CSMD1: variants seen among roughly 807,000 people sequenced by gnomAD.
The protein encoded by CSMD1 is CUB and Sushi multiple domains 1.
A neutral mutation model predicts 417.5 loss-of-function variants in CSMD1; 213 were observed. The observed-to-expected ratio is 0.51, with a 90% confidence interval of 0.46 to 0.57. CSMD1 has a LOEUF of 0.57. Ranked by LOEUF, CSMD1 falls within the 20% of genes least tolerant of loss-of-function variation. The pLI, the probability that CSMD1 is intolerant of heterozygous loss-of-function variation, is 0.00. For synonymous variants in CSMD1, 2,862 were observed against 1,736.8 expected (o/e 1.65, Z -16.11); for missense variants, 6,923 against 4,529.7 (o/e 1.53, Z -15.17).
chr8:4,831,802 C>A (rs1054453774), intron 1 of CSMD1, among the ~76,000 whole-genome samples: 1 of 152,132 alleles, frequency 6.6e-6, no homozygotes, highest in Non-Finnish European at 1.5e-5. Context: ...CTTCAGGGAC[C>A]AGCATCTCCC....
chr8:3,818,389 G>T (rs1326933761), intron 5 of CSMD1, among the ~76,000 whole-genome samples: 1 of 152,172 alleles, frequency 6.6e-6, no homozygotes, highest in Admixed American at 6.5e-5. Context: ...CTCTTGGAGG[G>T]AAATCTGAGT....
At chr8:4,751,760 C>A (rs1176085731) in intron 1 of CSMD1, among the ~76,000 whole-genome samples, 1 of 152,154 alleles carries the variant, frequency 6.6e-6, no homozygotes, top group African/African-American at 2.4e-5. Flanking sequence ...TGGTGTCTGA[C>A]ATTGAGGACC....
intron 5 of CSMD1, among the ~76,000 whole-genome samples, chr8:3,821,764 AGAGT>A (rs1801749731): frequency 6.6e-6 from 1 of 152,204 alleles, no homozygotes; most frequent in Non-Finnish European, 1.5e-5. Flanking sequence ...CCTGGGTGAC[AGAGT>A]GAGACTCTGT....
intron 1 of CSMD1, among the ~76,000 whole-genome samples, chr8:4,797,372 T>A (rs879488094): frequency 2.6e-5 from 4 of 152,112 alleles, no homozygotes; most frequent in Admixed American, 6.5e-5. Flanking sequence ...TGTGAAAGAG[T>A]GTTCCGCCTG....
At chr8:3,262,942 T>C (rs925032395) in intron 26 of CSMD1, among the ~76,000 whole-genome samples, 1 of 152,176 alleles carries the variant, frequency 6.6e-6, no homozygotes, top group African/African-American at 2.4e-5. Flanking sequence ...TATGAAAAAG[T>C]TTGTTGTTAA....
At position 3,722,856 on chromosome 8, in the gene CSMD1, G is replaced by A. The variant is rs189626660; in HGVS notation, c.932-14365C>T. 5.1e-3 allele frequency among the ~76,000 whole-genome samples: 783 copies of A among 152,310 alleles called. 3 individuals are homozygous for A. Among genetic ancestry groups the A allele is most frequent in the Non-Finnish European group, 8.5e-3 (575 of 68,024 alleles). On this transcript the variant is annotated intron_variant, in intron 6 of 69. Transcript: ENST00000635120. ...ATGTTTGAGATTCCCCGATTTCAGG[G>A]ATGAACTAGCTGCTTTTTCATGGAA... is the stretch of plus-strand genomic sequence containing the variant.
chr8:3,708,388 C>G (rs1563294948), intron 7 of CSMD1, 26 bp downstream of exon 7: 1 of 1,602,090 alleles, frequency 6.2e-7, no homozygotes, highest in Non-Finnish European at 8.6e-7. Context: ...CGTATCAATC[C>G]TCAGATAGAA....
At chr8:4,031,780 G>A in intron 4 of CSMD1, 125 bp downstream of exon 4, 1 of 641,986 alleles carries the variant, frequency 1.6e-6, no homozygotes, top group Non-Finnish European at 2.5e-6. Context: ...AGCAGAATGA[G>A]CTGACATTGT....
In CSMD1 at chr8:4,407,544, G is replaced by A. The variant is rs1026379275; in HGVS notation, c.415+12409C>T. Among the ~76,000 whole-genome samples the A allele has an allele frequency of 2.0e-5, 3 of 152,202 alleles. No individual in the cohort carries two copies. In the South Asian group the frequency reaches 6.2e-4, roughly 32 times the overall value. ...TTTAAATTCAGAGTACAGATATCTT[G>A]TGCTAATTTCATATAGTAATGTATA... On this transcript the variant is annotated intron_variant, in intron 3 of 69. Coordinates refer to ENST00000635120, the MANE Select transcript of CSMD1 (RefSeq NM_033225.6).
intron 7 of CSMD1, among the ~76,000 whole-genome samples, chr8:3,670,872 T>G (rs373147067): frequency 6.6e-6 from 1 of 150,408 alleles, no homozygotes; most frequent in Non-Finnish European, 1.5e-5. Context: ...GGGATATATA[T>G]GTATATGGGA....
At chr8:4,895,129 T>C (rs1804391335) in intron 1 of CSMD1, among the ~76,000 whole-genome samples, 1 of 152,188 alleles carries the variant, frequency 6.6e-6, no homozygotes, top group South Asian at 2.1e-4. Flanking sequence ...CACTCAAAAA[T>C]ACATTTGATT....
intron 2 of CSMD1, among the ~76,000 whole-genome samples, chr8:4,574,397 A>C (rs1291206892): frequency 6.6e-6 from 1 of 152,014 alleles, no homozygotes; most frequent in Admixed American, 6.6e-5. Flanking sequence ...AGCCCCTTGC[A>C]CTTCCCCGGT....
chr8:4,713,915 A>C (rs1028987435), intron 1 of CSMD1, among the ~76,000 whole-genome samples: 1 of 152,060 alleles, frequency 6.6e-6, no homozygotes, highest in Admixed American at 6.6e-5. Context: ...GAGGCCGAGG[A>C]GGGTGGATCA....
intron 12 of CSMD1, among the ~76,000 whole-genome samples, chr8:3,455,219 T>C (rs1816027836): frequency 6.6e-6 from 1 of 152,184 alleles, no homozygotes; most frequent in African/African-American, 2.4e-5. Context: ...TCGTCTAATT[T>C]TTTTTCAAGG....
At chr8:3,542,541 G>C (rs1025198925) in intron 10 of CSMD1, among the ~76,000 whole-genome samples, 5 of 152,166 alleles carry the variant, frequency 3.3e-5, no homozygotes, top group Non-Finnish European at 7.3e-5. Context: ...CAGGGACTGG[G>C]AAGGAACACG....
intron 1 of CSMD1, among the ~76,000 whole-genome samples, chr8:4,975,453 T>C (rs910139696): frequency 2.0e-5 from 3 of 152,166 alleles, no homozygotes; most frequent in African/African-American, 7.2e-5. Flanking sequence ...TATGTATTCA[T>C]CAATCTGATA....
chr8:4,779,374 G>A (rs1489718068), intron 1 of CSMD1, among the ~76,000 whole-genome samples: 1 of 152,138 alleles, frequency 6.6e-6, no homozygotes, highest in Non-Finnish European at 1.5e-5. Context: ...TTACAGAAGA[G>A]TTCATAATCC....
intron 1 of CSMD1, among the ~76,000 whole-genome samples, chr8:4,806,978 A>G (rs1286513972): frequency 6.6e-6 from 1 of 152,216 alleles, no homozygotes; most frequent in Non-Finnish European, 1.5e-5. Context: ...TGATTTTTCA[A>G]AAGAACCACA....
At chr8:2,953,075 C>A (rs1255961108) in intron 65 of CSMD1, among the ~76,000 whole-genome samples, 1 of 152,020 alleles carries the variant, frequency 6.6e-6, no homozygotes, top group Non-Finnish European at 1.5e-5. Context: ...ATAGATATTT[C>A]AATATCTTAA....
Sources: allele counts gnomAD v4.1 joint callset (sites outside exome capture counted in the v4.1 genomes callset), GRCh38; gene constraint gnomAD v4.1.1; transcripts MANE v1.5; gene names NCBI Gene and HGNC (gene_info 2026-07-23, HGNC 2026-07-21).